Variants in CDKAL1 observed in about 807,000 individuals in gnomAD.
CDKAL1 encodes threonylcarbamoyladenosine tRNA methylthiotransferase.
Under a neutral mutation model 68.2 loss-of-function variants are expected in CDKAL1, and 32 were observed. The observed-to-expected ratio is 0.47, with a 90% confidence interval of 0.35 to 0.63. CDKAL1 has a LOEUF of 0.63. CDKAL1 is among the 30% of genes least tolerant of loss of function. The pLI is 0.00. For synonymous variants in CDKAL1, 234 were observed against 244.3 expected (o/e 0.96, Z 0.39); for missense variants, 606 against 696.7 (o/e 0.87, Z 1.47).
intron 12 of CDKAL1, among the ~76,000 whole-genome samples, chr6:21,096,696 T>TA (rs201951144): frequency 1.8e-4 from 27 of 152,080 alleles, no homozygotes; most frequent in Non-Finnish European, 2.5e-4. Flanking sequence ...AAGCAAATGG[T>TA]AAAAAATAAA....
chr6:20,677,077 T>G (rs191378853), intron 5 of CDKAL1, among the ~76,000 whole-genome samples: 220 of 151,908 alleles, frequency 1.4e-3, no homozygotes, highest in African/African-American at 2.1e-3. Context: ...ATAATTTTTT[T>G]TGTGTGTGTG....
intron 13 of CDKAL1, among the ~76,000 whole-genome samples, chr6:21,163,045 A>G (rs77796439): frequency 0.048 from 7,248 of 152,252 alleles, 478 homozygotes; most frequent in African/African-American, 0.15. Flanking sequence ...GAACCCTTCT[A>G]TGGTAATCAC....
chr6:21,109,862 G>A (rs1027703292), intron 13 of CDKAL1, among the ~76,000 whole-genome samples: 2 of 152,190 alleles, frequency 1.3e-5, no homozygotes, highest in African/African-American at 4.8e-5. Context: ...GTTTTGCCTG[G>A]CTTGTCTAAA....
intron 15 of CDKAL1, among the ~76,000 whole-genome samples, chr6:21,209,164 G>A (rs1207225488): frequency 2.0e-5 from 3 of 152,132 alleles, no homozygotes; most frequent in Non-Finnish European, 4.4e-5. Flanking sequence ...ATTCTAGCCT[G>A]GCCTAGGGCA....
chr6:21,175,923 A>G (rs1310211675), intron 13 of CDKAL1, among the ~76,000 whole-genome samples: 1 of 152,266 alleles, frequency 6.6e-6, no homozygotes, highest in African/African-American at 2.4e-5. Flanking sequence ...AAGAGGTAGC[A>G]TAGCATGGTA....
intron 13 of CDKAL1, among the ~76,000 whole-genome samples, chr6:21,195,923 T>C (rs1224776799): frequency 1.3e-5 from 2 of 152,200 alleles, no homozygotes; most frequent in African/African-American, 4.8e-5. Flanking sequence ...TATGAATTAG[T>C]GCACATTGCG....
chr6:20,648,497 C>T (rs1768594227), intron 4 of CDKAL1, among the ~76,000 whole-genome samples: 1 of 152,012 alleles, frequency 6.6e-6, no homozygotes, highest in Non-Finnish European at 1.5e-5. Context: ...ACCTAGTGCT[C>T]TTATTTGAAT....
intron 11 of CDKAL1, among the ~76,000 whole-genome samples, chr6:21,010,028 G>A (rs896020053): frequency 1.3e-5 from 2 of 152,202 alleles, no homozygotes; most frequent in African/African-American, 4.8e-5. Flanking sequence ...GATACATTTT[G>A]AGTAACAGAT....
intron 7 of CDKAL1, among the ~76,000 whole-genome samples, chr6:20,759,034 G>A (rs765849442): frequency 9.9e-5 from 15 of 152,034 alleles, no homozygotes; most frequent in Admixed American, 1.3e-4. Context: ...AGCTACTTAG[G>A]AAGTTGAAGC....
At chr6:20,609,387 TTCTTCTTCTTCTTC>T (rs1281755359) in intron 4 of CDKAL1, among the ~76,000 whole-genome samples, 2 of 109,162 alleles carry the variant, frequency 1.8e-5, no homozygotes, top group Non-Finnish European at 4.0e-5. Context: ...CTTCTTCTTC[TTCTTCTTCTTCTTC>T]TTTTTTTTTT....
intron 13 of CDKAL1, among the ~76,000 whole-genome samples, chr6:21,180,106 C>T (rs1282259460): frequency 6.6e-6 from 1 of 152,208 alleles, no homozygotes; most frequent in Non-Finnish European, 1.5e-5. Flanking sequence ...CATTGGTTTC[C>T]TGATCTGTTG....
intron 8 of CDKAL1, among the ~76,000 whole-genome samples, chr6:20,808,626 G>A (rs138035926): frequency 1.4e-3 from 213 of 151,984 alleles, no homozygotes; most frequent in African/African-American, 4.9e-3. Context: ...TTTTTGAGAT[G>A]CCTATGGGAG....
rs757645609 is a variant in CDKAL1 at position 20,649,349 on chromosome 6, G to C, written c.343G>C (p.Ala115Pro). 1.2e-6 allele frequency: 2 copies of C among 1,603,512 alleles called. No individual in the cohort carries two copies. Among genetic ancestry groups the C allele is most frequent in the Non-Finnish European group, 1.7e-6 (2 of 1,175,260 alleles). Residue 115 changes from alanine to proline, a missense_variant, in exon 5 of 16, where the codon GCT (alanine) becomes CCT (proline). Transcript: ENST00000274695. ...GAACAGTTGCACTGTAAAAAACCCA[G>C]CTGAAGACCACTTTAGAAACTCAAT... The part of the protein sequence containing the change: ...LLNSCTVKNP[A>P]EDHFRNSIKK...
chr6:20,886,407 A>G (rs1761070152), intron 9 of CDKAL1, among the ~76,000 whole-genome samples: 1 of 152,220 alleles, frequency 6.6e-6, no homozygotes, highest in African/African-American at 2.4e-5. Flanking sequence ...CAAAGAATTA[A>G]AAACAGGGAC....
intron 10 of CDKAL1, among the ~76,000 whole-genome samples, chr6:20,979,273 C>G (rs1435570312): frequency 8.5e-5 from 13 of 152,096 alleles, no homozygotes; most frequent in Non-Finnish European, 1.6e-4. Context: ...CTCAATTCAA[C>G]AAAAAGTTAT....
At chr6:20,899,514 G>T (rs1320399731) in intron 9 of CDKAL1, among the ~76,000 whole-genome samples, 1 of 151,860 alleles carries the variant, frequency 6.6e-6, no homozygotes, top group African/African-American at 2.4e-5. Flanking sequence ...TATTTACCTG[G>T]TACAATGCTA....
chr6:21,081,752 T>C (rs1772419017), intron 12 of CDKAL1, among the ~76,000 whole-genome samples: 1 of 151,784 alleles, frequency 6.6e-6, no homozygotes, highest in South Asian at 2.1e-4. Context: ...TTGTATTTTT[T>C]TTTTTAGTAA....
chr6:21,006,212 G>C (rs763206193), intron 11 of CDKAL1, among the ~76,000 whole-genome samples: 6 of 151,850 alleles, frequency 4.0e-5, no homozygotes, highest in Non-Finnish European at 8.8e-5. Flanking sequence ...CATTAAATTA[G>C]TATTTTATTC....
At chr6:21,007,174 C>T (rs975413549) in intron 11 of CDKAL1, among the ~76,000 whole-genome samples, 2 of 152,092 alleles carry the variant, frequency 1.3e-5, no homozygotes, top group African/African-American at 2.4e-5. Context: ...CATGGTGGCT[C>T]ATGCCTGTAA....
Sources: allele counts gnomAD v4.1 joint callset (sites outside exome capture counted in the v4.1 genomes callset), GRCh38; gene constraint gnomAD v4.1.1; transcripts MANE v1.5; gene names NCBI Gene and HGNC (gene_info 2026-07-23, HGNC 2026-07-21).